Variants in DISP3 observed in about 807,000 individuals in gnomAD.
DISP3 encodes the protein protein dispatched homolog 3.
DISP3 carries 101 observed loss-of-function variants against 135.3 expected under a neutral mutation model. That is an observed-to-expected ratio of 0.75 (90% CI 0.64 to 0.88). The LOEUF is 0.88. Ranked by LOEUF, DISP3 falls within the 40% of genes least tolerant of loss-of-function variation. DISP3 has a pLI of 0.00. For missense variants in DISP3, 1,713 were observed against 1,878.6 expected, an observed-to-expected ratio of 0.91 and a Z score of 1.63; for synonymous variants, 856 against 817.0, an observed-to-expected ratio of 1.05 and a Z score of -0.81.
Position 11,536,271 on chromosome 1 carries a change from G to C in DISP3, c.3817-53G>C. ...GGGGTGCGTGATTCCCCAGGTGCTGGCCAGAGGGGTCCCGCAGGCAGGCTG... is the reference window on the plus strand; with the variant it reads ...GGGGTGCGTGATTCCCCAGGTGCTGCCCAGAGGGGTCCCGCAGGCAGGCTG... On this transcript the variant is annotated intron_variant, in intron 20 of 20. Transcript: ENST00000294484. The surrounding 1 kb of genome is among the most constrained non-coding windows in gnomAD (Gnocchi z 4.3). 1.9e-6 allele frequency: 3 copies of C among 1,559,156 alleles called. No homozygotes were observed. The South Asian group carries it at 3.6e-5, about 19-fold the overall frequency.
At position 11,529,944 on chromosome 1, in the gene DISP3, C is replaced by T. The variant is rs1214371657; in HGVS notation, c.3087C>T (p.His1029=). ...GVNRTRQVDN[H]VIGDPGSVVY... ...ACCGCACTCGGCAGGTGGACAACCA[C>T]GTCATTGGAGACCCGGTACGGGGCA... Residue 1029 remains histidine, a synonymous_variant, in exon 15 of 21, where the codon CAC becomes CAT. Coordinates refer to ENST00000294484, the MANE Select transcript of DISP3 (RefSeq NM_020780.2). This position sits in a 1 kb window ranked among gnomAD's most constrained non-coding sequence, Gnocchi z 4.7. The T allele has an allele frequency of 6.8e-6, 11 of 1,613,092 alleles. No homozygotes were observed. Among genetic ancestry groups the T allele is most frequent in the East Asian group, 2.2e-5 (1 of 44,904 alleles).
chr1:11,522,596 A>ACCCAGCCAGAG (rs1557614944), intron 10 of DISP3, among the ~76,000 whole-genome samples: 2 of 61,644 alleles, frequency 3.2e-5, no homozygotes, highest in Non-Finnish European at 7.7e-5. Context: ...CCCAGCCAGG[A>ACCCAGCCAGAG]CCCAGCCAGA....
Position 11,501,627 on chromosome 1 carries a change from A to T in DISP3, c.635A>T (p.Asp212Val). The change falls in exon 2 of 21, where the codon GAT (aspartate) becomes GTT (valine). Residue 212 changes from aspartate (D) to valine (V), a missense_variant. Physicochemically the swap from Asp to Val is radical, Grantham distance 152. Transcript: ENST00000294484. The surrounding 1 kb of genome is among the most constrained non-coding windows in gnomAD (Gnocchi z 4.9). ...CGGCGTGAGACCCCGCCCCTGGAGG[A>T]TCTGGCAGCCAACCAGAGTGAAGAC... is the stretch of plus-strand genomic sequence containing the variant. ...RLRRETPPLEDLAANQSEDPR... is the reference protein window; with the variant it reads ...RLRRETPPLEVLAANQSEDPR... The T allele has an allele frequency of 6.2e-7, 1 of 1,608,584 alleles. No homozygotes were observed. The highest frequency in any genetic ancestry group is 1.1e-5 in the South Asian group (1 of 90,586).
chr1:11,486,083 G>A (rs906775739), intron 1 of DISP3, among the ~76,000 whole-genome samples: 3 of 152,158 alleles, frequency 2.0e-5, no homozygotes, highest in African/African-American at 7.2e-5. Flanking sequence ...CTAAGCCACC[G>A]AACAGATCAC....
chr1:11,522,815 GACCCA>G (rs1642270547), intron 10 of DISP3, among the ~76,000 whole-genome samples: 1 of 122,962 alleles, frequency 8.1e-6, no homozygotes, highest in Non-Finnish European at 1.7e-5. Flanking sequence ...ACCCAGCCAG[GACCCA>G]GCCAGAGCCC....
Position 11,491,877 on chromosome 1 carries a change from C to A in DISP3, c.-3-9113C>A, listed in dbSNP as rs1570063656. On this transcript the variant is annotated intron_variant, in intron 1 of 20. Coordinates refer to ENST00000294484, the MANE Select transcript of DISP3 (RefSeq NM_020780.2). The surrounding 1 kb of genome is among the most constrained non-coding windows in gnomAD (Gnocchi z 4.3). The stretch of plus-strand genomic sequence containing the variant: ...GTGGCTCACGCCTGTAATCCCAGCA[C>A]TTTGGGAGGCCGAGGCGGGCGGATC... Among the ~76,000 whole-genome samples the A allele has an allele frequency of 6.6e-6, 1 of 151,972 alleles. No individual in the cohort carries two copies. The highest frequency in any genetic ancestry group is 1.9e-4 in the East Asian group (1 of 5,140).
intron 3 of DISP3, among the ~76,000 whole-genome samples, chr1:11,507,408 C>T (rs1641736587): frequency 6.6e-6 from 1 of 152,194 alleles, no homozygotes; most frequent in Non-Finnish European, 1.5e-5. Context: ...GACAAAAATT[C>T]CACTCTGCTT....
intron 3 of DISP3, among the ~76,000 whole-genome samples, chr1:11,511,094 A>C (rs187964980): frequency 6.6e-6 from 1 of 152,336 alleles, no homozygotes; most frequent in Admixed American, 6.5e-5. Context: ...CTCCCACAAC[A>C]CATGGGAATT....
chr1:11,498,672 A>T (rs1198512539), intron 1 of DISP3, among the ~76,000 whole-genome samples: 1 of 152,164 alleles, frequency 6.6e-6, no homozygotes, highest in African/African-American at 2.4e-5. Flanking sequence ...AGCCAGGTAC[A>T]TGTATCTGTT....
At chr1:11,526,612 C>A in intron 12 of DISP3, 39 bp from the exon 13 acceptor site, 1 of 1,592,198 alleles carries the variant, frequency 6.3e-7, no homozygotes, top group Non-Finnish European at 8.6e-7. Flanking sequence ...GGCAGCCCCC[C>A]CGAGTCATGT....
intron 7 of DISP3, among the ~76,000 whole-genome samples, chr1:11,518,555 A>T (rs2100462893): frequency 6.6e-6 from 1 of 152,208 alleles, no homozygotes; most frequent in African/African-American, 2.4e-5. Context: ...CAGAGATGCA[A>T]AATAAGCCCC....
chr1:11,496,855 C>T (rs1428913087), intron 1 of DISP3, among the ~76,000 whole-genome samples: 1 of 152,154 alleles, frequency 6.6e-6, no homozygotes, highest in African/African-American at 2.4e-5. Context: ...CTTTTACCAT[C>T]CCGCTCTGAG....
rs775955884 is a variant in DISP3 at position 11,517,573 on chromosome 1, G to A, written c.1860G>A (p.Leu620=). The A allele has an allele frequency of 5.6e-6, 9 of 1,613,900 alleles. No individual in the cohort carries two copies. In the South Asian group the frequency reaches 8.8e-5, roughly 16 times the overall value. The part of the protein sequence containing the change: ...PAALGLWSLY[L]APLESSCQTS... ...CTCTGGGCCTCTGGAGCCTCTACCT[G>A]GCACCACTGGAGAGCTCCTGCCAGA... The change falls in exon 7 of 21, where the codon CTG becomes CTA. Residue 620 remains leucine, a synonymous_variant. Coordinates refer to ENST00000294484, the MANE Select transcript of DISP3 (RefSeq NM_020780.2).
At chr1:11,534,622 G>A (rs1452817416) in intron 18 of DISP3, 82 bp downstream of exon 18, 1 of 1,498,038 alleles carries the variant, frequency 6.7e-7, no homozygotes, top group Admixed American at 2.2e-5. Flanking sequence ...AGCGGCCTGA[G>A]TCACAATCTC....
chr1:11,510,207 T>C (rs1641820453), intron 3 of DISP3, among the ~76,000 whole-genome samples: 1 of 152,238 alleles, frequency 6.6e-6, no homozygotes, highest in African/African-American at 2.4e-5. Flanking sequence ...TAGACTTAAG[T>C]ATATTTTATT....
At chr1:11,522,953 A>AGGACCCAGCCAGAGCCCAG (rs1557615821) in intron 10 of DISP3, among the ~76,000 whole-genome samples, 46,847 of 82,208 alleles carry the variant, frequency 0.57, 20,172 homozygotes, top group Admixed American at 0.65. Context: ...CCAGAGCCCA[A>AGGACCCAGCCAGAGCCCAG]CCAGGACCCA....
At chr1:11,490,840 G>A (rs972189459) in intron 1 of DISP3, among the ~76,000 whole-genome samples, 8 of 152,178 alleles carry the variant, frequency 5.3e-5, no homozygotes, top group Admixed American at 6.5e-5. Context: ...TGGATCAGAC[G>A]TGATATAAAT....
chr1:11,479,170 G>T lies in DISP3; in HGVS notation c.-206G>T, dbSNP rs562696660. On this transcript the variant is annotated 5_prime_UTR_variant, in exon 1 of 21. Transcript: ENST00000294484. ...CGGAGTGCTCGGGTTGCGAGCTGAGGACTGGGATTCGCGCGCAGCTTCCCG... is the reference window on the plus strand; with the variant it reads ...CGGAGTGCTCGGGTTGCGAGCTGAGTACTGGGATTCGCGCGCAGCTTCCCG... 1.3e-5 allele frequency: 2 copies of T among 156,542 alleles called. No homozygotes were observed. The highest frequency in any genetic ancestry group is 2.4e-5 in the African/African-American group (1 of 41,586). 9.7% of individuals were successfully genotyped at this position (156,542 alleles called of 1,614,324 possible).
rs151174752 is a variant in DISP3, at chr1:11,502,476, G to A, written c.1097-202G>A. On this transcript the variant is annotated intron_variant, in intron 2 of 20. Coordinates refer to ENST00000294484, the MANE Select transcript of DISP3 (RefSeq NM_020780.2). ...GTTGAAGAAGACTGAGATAGGGTTC[G>A]TTTTAGGTAAATTAGGGATGGGGCT... Among the ~76,000 whole-genome samples the A allele has an allele frequency of 1.5e-3, 232 of 152,196 alleles. 2 individuals are homozygous for A. Among genetic ancestry groups the A allele is most frequent in the Middle Eastern group, 3.4e-3 (1 of 294 alleles).
Sources: allele counts gnomAD v4.1 joint callset (sites outside exome capture counted in the v4.1 genomes callset), GRCh38; gene constraint gnomAD v4.1.1; non-coding constraint Gnocchi (gnomAD v3.1); transcripts MANE v1.5; gene names NCBI Gene and HGNC (gene_info 2026-07-23, HGNC 2026-07-21).